Variants in GLG1 observed in about 807,000 individuals in gnomAD.
GLG1 encodes the protein golgi glycoprotein 1.
Under a neutral mutation model 160.5 loss-of-function variants are expected in GLG1, and 38 were observed. That is an observed-to-expected ratio of 0.24 (90% confidence interval 0.18 to 0.31). GLG1 has a LOEUF of 0.31. Among genes scored for constraint, GLG1 ranks in the 10% least tolerant of loss-of-function variants. The pLI is 1.00. For synonymous variants in GLG1, 644 were observed against 543.4 expected (o/e 1.19, Z -2.57); for missense variants, 1,373 against 1,505.2 (o/e 0.91, Z 1.45).
At chr16:74,599,295 G>A (rs919963453) in intron 1 of GLG1, among the ~76,000 whole-genome samples, 4 of 152,258 alleles carry the variant, frequency 2.6e-5, no homozygotes, top group South Asian at 2.1e-4. Context: ...CTCTATTTCG[G>A]TCAATACAGC....
chr16:74,529,965 C>A (rs534465884), intron 2 of GLG1, among the ~76,000 whole-genome samples: 96 of 151,856 alleles, frequency 6.3e-4, no homozygotes, highest in African/African-American at 2.2e-3. Flanking sequence ...GGGTGTGCCA[C>A]GACGCCTGGC....
chr16:74,516,655 C>T (rs1045772229), intron 2 of GLG1, among the ~76,000 whole-genome samples: 1 of 152,070 alleles, frequency 6.6e-6, no homozygotes, highest in Non-Finnish European at 1.5e-5. Flanking sequence ...ACTAGAGAAG[C>T]AAGAGCAAAC....
intron 9 of GLG1, among the ~76,000 whole-genome samples, chr16:74,484,414 C>T (rs191307513): frequency 3.0e-4 from 45 of 152,180 alleles, no homozygotes; most frequent in African/African-American, 9.9e-4. Context: ...GCTTCACCTG[C>T]CTCAGACTCC....
At chr16:74,587,759 G>A (rs1367073903) in intron 1 of GLG1, among the ~76,000 whole-genome samples, 1 of 152,138 alleles carries the variant, frequency 6.6e-6, no homozygotes, top group Non-Finnish European at 1.5e-5. Context: ...CGGAGGCTGA[G>A]GCAGGAGAAT....
chr16:74,602,296 ATTTT>A (rs1958456225), intron 1 of GLG1, among the ~76,000 whole-genome samples: 1 of 152,182 alleles, frequency 6.6e-6, no homozygotes, highest in Non-Finnish European at 1.5e-5. Context: ...GCAAGAAAGA[ATTTT>A]TTTATGTTTT....
At chr16:74,565,563 A>C (rs1202533782) in intron 1 of GLG1, among the ~76,000 whole-genome samples, 1 of 152,188 alleles carries the variant, frequency 6.6e-6, no homozygotes, top group African/African-American at 2.4e-5. Context: ...CCAACTGCTT[A>C]AACTGTGTTC....
chr16:74,505,822 T>C (rs2016578175), intron 3 of GLG1, among the ~76,000 whole-genome samples: 1 of 152,030 alleles, frequency 6.6e-6, no homozygotes, highest in Non-Finnish European at 1.5e-5. Flanking sequence ...GCCATTGCAT[T>C]CCACCCTGGG....
At chr16:74,598,382 G>T (rs568218538) in intron 1 of GLG1, among the ~76,000 whole-genome samples, 1 of 150,924 alleles carries the variant, frequency 6.6e-6, no homozygotes, top group East Asian at 2.0e-4. Flanking sequence ...TTAGCCGGGC[G>T]TGGTGGCGGG....
At position 74,544,398 on chromosome 16, in the gene GLG1, C is replaced by T. The variant is rs143307628; in HGVS notation, c.439-12245G>A. Among the ~76,000 whole-genome samples the T allele has an allele frequency of 7.4e-3, 1,129 of 152,330 alleles. 14 individuals are homozygous for T. The highest frequency in any genetic ancestry group is 0.026 in the African/African-American group (1,073 of 41,572). ...GCACAATCTCGGCTCACCACAACCT[C>T]CACCTCCTAGGTTCACGCGAATCTC... is the stretch of plus-strand genomic sequence containing the variant. On this transcript the variant is annotated intron_variant, in intron 1 of 25. Transcript: ENST00000422840.
intron 10 of GLG1, 37 bp downstream of exon 10, chr16:74,482,986 T>G (rs529181622): frequency 3.9e-6 from 4 of 1,036,468 alleles, no homozygotes; most frequent in Non-Finnish European, 6.1e-6. Context: ...GAGAAGAGGC[T>G]GAGGCAATAC....
chr16:74,514,289 A>C (rs1026354484), intron 2 of GLG1, among the ~76,000 whole-genome samples: 4 of 152,204 alleles, frequency 2.6e-5, no homozygotes, highest in African/African-American at 9.6e-5. Context: ...AATACAGAGA[A>C]CACCACAAAG....
At chr16:74,461,818 TAAG>T (rs1230255047) in intron 22 of GLG1, 31 of 285,276 alleles carry the variant, frequency 1.1e-4, no homozygotes, top group South Asian at 5.4e-4. Flanking sequence ...CCATCCAGAA[TAAG>T]AAGAAGGGAA....
rs183553155 is a variant in GLG1 at position 74,457,341 on chromosome 16, G to A, written c.3265+533C>T. On this transcript the variant is annotated intron_variant, in intron 24 of 25. Transcript: ENST00000422840. ...GAACCCAGGAGGCGGAGGTTGCAGTGAGCTGAGATCATGCCACCACACTCC... is the reference window on the plus strand; with the variant it reads ...GAACCCAGGAGGCGGAGGTTGCAGTAAGCTGAGATCATGCCACCACACTCC... 8.4e-3 allele frequency among the ~76,000 whole-genome samples: 1,283 copies of A among 152,268 alleles called. 8 individuals carry two copies. Among genetic ancestry groups the A allele is most frequent in the Non-Finnish European group, 0.014 (925 of 68,030 alleles).
rs1338681256 is a variant in GLG1 at position 74,459,634 on chromosome 16, A to G, written c.3144+48T>C. The G allele has an allele frequency of 1.1e-5, 10 of 872,300 alleles. No homozygotes were observed. The East Asian group carries it at 1.4e-4, about 12-fold the overall frequency. 54.0% of individuals were successfully genotyped at this position (872,300 alleles called of 1,614,324 possible). A position where few individuals can be genotyped will look rare whatever the true frequency, so the allele number is the denominator to read the frequency against. On this transcript the variant is annotated intron_variant, in intron 23 of 25. Coordinates refer to ENST00000422840, the MANE Select transcript of GLG1 (RefSeq NM_001145667.2). ...CTACAGCATTAAAAGGAAGAAGAGA[A>G]AAAAAAAAAAAGAAATGAAGTGAGG... is the stretch of plus-strand genomic sequence containing the variant.
At chr16:74,491,270 C>T in intron 7 of GLG1, 55 bp from the exon 8 acceptor site, 1 of 1,150,734 alleles carries the variant, frequency 8.7e-7, no homozygotes, top group South Asian at 1.2e-5. Flanking sequence ...GTATTAGCAT[C>T]AGAAATCACC....
chr16:74,576,564 ATTC>A (rs2019010341), intron 1 of GLG1, among the ~76,000 whole-genome samples: 2 of 152,310 alleles, frequency 1.3e-5, no homozygotes, highest in South Asian at 4.1e-4. Context: ...TATAAAAACC[ATTC>A]TTAACTCCAG....
intron 2 of GLG1, among the ~76,000 whole-genome samples, chr16:74,529,809 G>A (rs2868039): frequency 1.9e-5 from 2 of 104,104 alleles, no homozygotes; most frequent in South Asian, 7.1e-4. Flanking sequence ...CTCTTTGAGA[G>A]TTCTTTTTTT....
intron 11 of GLG1, among the ~76,000 whole-genome samples, chr16:74,479,238 CAAAAA>C (rs11343790): frequency 2.3e-5 from 2 of 85,756 alleles, no homozygotes; most frequent in Admixed American, 1.3e-4. Flanking sequence ...GGCTTTGTCT[CAAAAA>C]AAAAAAAAAA....
Position 74,588,591 on chromosome 16 carries a change from G to C in GLG1, c.438+18066C>G, listed in dbSNP as rs537990472. On this transcript the variant is annotated intron_variant, in intron 1 of 25. Coordinates refer to ENST00000422840, the MANE Select transcript of GLG1 (RefSeq NM_001145667.2). ...CTCACCACCACACTGACTAATTTTTGTATGTTTTGTAGAGATGAGGTTTCG... is the reference window on the plus strand; with the variant it reads ...CTCACCACCACACTGACTAATTTTTCTATGTTTTGTAGAGATGAGGTTTCG... Among the ~76,000 whole-genome samples, 7 of 152,014 alleles carry C rather than the reference G, an allele frequency of 4.6e-5. No homozygotes were observed. The East Asian group carries it at 9.7e-4, about 21-fold the overall frequency.
Sources: gnomAD v4.1 joint callset for allele counts (sites outside exome capture counted in the v4.1 genomes callset) on GRCh38, gnomAD v4.1.1 for gene constraint, MANE v1.5 for transcripts, NCBI Gene and HGNC (gene_info 2026-07-23, HGNC 2026-07-21) for gene names.